COL13A1: variants seen among roughly 807,000 people sequenced by gnomAD.
COL13A1 encodes collagen type XIII alpha 1 chain, also known as collagen alpha-1(XIII) chain.
Under a neutral mutation model 130.9 loss-of-function variants are expected in COL13A1, and 89 were observed. The observed-to-expected ratio is 0.68, with a 90% CI of 0.57 to 0.81. The LOEUF (loss-of-function observed/expected upper bound fraction) is 0.81, where lower values mean the gene tolerates loss of function less well. Ranked by LOEUF, COL13A1 falls within the 30% of genes least tolerant of loss-of-function variation. The pLI is 0.00. For missense variants in COL13A1, 879 were observed against 934.6 expected (o/e 0.94, Z 0.78); for synonymous variants, 402 against 341.6 (o/e 1.18, Z -1.95).
rs1852196783 is a variant in COL13A1, at chr10:69,843,606, C to T, written c.364+21168C>T. Among the ~76,000 whole-genome samples the T allele has an allele frequency of 2.6e-5, 4 of 152,286 alleles. No individual in the cohort carries two copies. In the South Asian group the frequency reaches 8.3e-4, roughly 32 times the overall value. ...CCATTATTGCAAAATGTTTTCTATC[C>T]AACAGCTTTGATCTATAAAATGAGG... On this transcript the variant is annotated intron_variant, in intron 2 of 40. Transcript: ENST00000645393.
rs1319720963 is a variant in COL13A1 at position 69,944,308 on chromosome 10, G to T, written c.1968+130G>T. On this transcript the variant is annotated intron_variant, in intron 36 of 40. Coordinates refer to ENST00000645393, the MANE Select transcript of COL13A1 (RefSeq NM_001368882.1). ...CTCCTGGTCATCCTCACAGCAGCCT[G>T]GGACAGGGGGTGCTGGTTGTGTAGC... The T allele has an allele frequency of 5.1e-6, 4 of 786,434 alleles. No individual in the cohort carries two copies. The South Asian group carries it at 6.0e-5, about 12-fold the overall frequency. 48.7% of individuals were successfully genotyped at this position (786,434 alleles called of 1,614,324 possible). A position where few individuals can be genotyped will look rare whatever the true frequency, so the allele number is the denominator to read the frequency against.
chr10:69,936,105 GAA>G (rs1400508125), intron 32 of COL13A1, among the ~76,000 whole-genome samples: 4 of 5,568 alleles, frequency 7.2e-4, no homozygotes, highest in East Asian at 3.5e-3. Context: ...GGGAAGGGAG[GAA>G]GGAAGGAAGG....
At chr10:69,897,559 C>G in intron 13 of COL13A1, 1 of 1,611,608 alleles carries the variant, frequency 6.2e-7, no homozygotes, top group Non-Finnish European at 8.5e-7. Context: ...GGTCTCCGGG[C>G]CCCTCTCCAC....
intron 10 of COL13A1, among the ~76,000 whole-genome samples, chr10:69,892,750 G>A (rs1191181721): frequency 6.6e-6 from 1 of 152,194 alleles, no homozygotes; most frequent in Admixed American, 6.5e-5. Flanking sequence ...GTTGGACCTC[G>A]ACATAATTAA....
At chr10:69,898,223 C>T (rs538797915) in intron 13 of COL13A1, among the ~76,000 whole-genome samples, 28 of 152,302 alleles carry the variant, frequency 1.8e-4, no homozygotes, top group African/African-American at 6.0e-4. Flanking sequence ...TTCACGGGCC[C>T]GGTGGTTCCC....
intron 2 of COL13A1, among the ~76,000 whole-genome samples, chr10:69,860,939 G>C (rs1280957477): frequency 6.6e-6 from 1 of 152,214 alleles, no homozygotes; most frequent in African/African-American, 2.4e-5. Context: ...GGAAACACAG[G>C]ACTGCATCGG....
At chr10:69,823,982 A>T in intron 2 of COL13A1, 1 of 418,066 alleles carries the variant, frequency 2.4e-6, no homozygotes. Flanking sequence ...TGCCCTTATA[A>T]CTCTTGGGCA....
Position 69,928,953 on chromosome 10 carries a change from C to T in COL13A1, c.1439C>T (p.Pro480Leu). ...CTCTCCTAGGGGCCTCCTGGTCTTC[C>T]TGGGCAAATTGGCCCACCTGGAGCT... ...TLALMGPPGL[P>L]GQIGPPGAPG... The change falls in exon 28 of 41, where the codon CCT becomes CTT. Residue 480 changes from proline to leucine, a missense_variant. Pro to Leu is a moderately conservative substitution (Grantham distance 98, BLOSUM62 -3). Around this residue, in one of 3 missense-constraint regions of COL13A1, gnomAD observed 715 missense variants for 721.0 expected, o/e 0.99. Coordinates refer to ENST00000645393, the MANE Select transcript of COL13A1 (RefSeq NM_001368882.1). 1.2e-6 allele frequency: 2 copies of T among 1,613,506 alleles called. No homozygotes were observed. The highest frequency in any genetic ancestry group is 1.7e-6 in the Non-Finnish European group (2 of 1,179,610).
rs115748110 is a variant in COL13A1 at position 69,929,276 on chromosome 10, C to T, written c.1485+277C>T. On this transcript the variant is annotated intron_variant, in intron 28 of 40. Coordinates refer to ENST00000645393, the MANE Select transcript of COL13A1 (RefSeq NM_001368882.1). ...GCCCTTGCCCCAACCAGACCCACAG[C>T]GGGAGTGAGGACCCCATCAGGGACC... 4.3e-3 allele frequency among the ~76,000 whole-genome samples: 649 copies of T among 151,974 alleles called. 7 individuals carry two copies. The highest frequency in any genetic ancestry group is 0.038 in the East Asian group (196 of 5,134).
intron 4 of COL13A1, among the ~76,000 whole-genome samples, chr10:69,874,894 A>T (rs930193444): frequency 6.6e-6 from 1 of 152,210 alleles, no homozygotes; most frequent in Admixed American, 6.5e-5. Flanking sequence ...TGCTCTTTCC[A>T]CAACACTCAT....
chr10:69,914,928 G>A (rs973997858), intron 17 of COL13A1, among the ~76,000 whole-genome samples: 1 of 152,220 alleles, frequency 6.6e-6, no homozygotes, highest in Non-Finnish European at 1.5e-5. Context: ...GCACCCCTAT[G>A]ATGGGCCACA....
In COL13A1 at chr10:69,811,235, G is replaced by T. The variant is rs113286566; in HGVS notation, c.294+8518G>T. Among the ~76,000 whole-genome samples, 727 of 152,234 alleles carry T rather than the reference G, an allele frequency of 4.8e-3. 6 individuals carry two copies. The highest frequency in any genetic ancestry group is 0.017 in the Middle Eastern group (5 of 294). On this transcript the variant is annotated intron_variant, in intron 1 of 40. Transcript: ENST00000645393. ...CCACCCCCTCCCTTCAGGCGCTTCG[G>T]TTTTTTATCCGCTCTTTGGGTTGCA... is the stretch of plus-strand genomic sequence containing the variant.
At chr10:69,956,865 A>C in intron 39 of COL13A1, 139 bp from the exon 40 acceptor site, 1 of 668,570 alleles carries the variant, frequency 1.5e-6, no homozygotes, top group Non-Finnish European at 2.8e-6. Flanking sequence ...CCTGTAGTAG[A>C]GAAAAGAAAT....
chr10:69,897,057 A>G (rs2061719587), intron 13 of COL13A1, among the ~76,000 whole-genome samples: 1 of 151,900 alleles, frequency 6.6e-6, no homozygotes, highest in Non-Finnish European at 1.5e-5. Context: ...TCTGCCCCTC[A>G]GCCCAACATA....
intron 3 of COL13A1, 72 bp from the exon 4 acceptor site, chr10:69,872,112 G>T: frequency 1.9e-6 from 3 of 1,582,556 alleles, no homozygotes; most frequent in Non-Finnish European, 1.7e-6. Flanking sequence ...CACACAGCTG[G>T]TTGAGACAGT....
At chr10:69,933,466 G>A (rs748217217) in intron 31 of COL13A1, among the ~76,000 whole-genome samples, 5 of 152,138 alleles carry the variant, frequency 3.3e-5, no homozygotes, top group Non-Finnish European at 5.9e-5. Context: ...GCAAGAACCC[G>A]GAAAGCAACG....
intron 35 of COL13A1, 71 bp from the exon 36 acceptor site, chr10:69,944,054 G>A: frequency 7.7e-7 from 1 of 1,300,224 alleles, no homozygotes; most frequent in Non-Finnish European, 1.1e-6. Context: ...TCATCTCTAG[G>A]CATCAGGTGG....
At position 69,888,314 on chromosome 10, in the gene COL13A1, G is replaced by C. The variant is rs1167375642; in HGVS notation, c.560G>C (p.Gly187Ala). The C allele has an allele frequency of 1.2e-6, 2 of 1,612,970 alleles. No individual in the cohort carries two copies. Among genetic ancestry groups the C allele is most frequent in the South Asian group, 1.1e-5 (1 of 90,614 alleles). ...CCTTTCTGGTTTCAGGGTCCCATTG[G>C]GCTGGACGGCAAACCGGTAAGTGGA... ...RGFPGFPGPI[G>A]LDGKPGHPGP... Residue 187 changes from glycine to alanine, a missense_variant, in exon 9 of 41, where the codon GGG becomes GCG. Coordinates refer to ENST00000645393, the MANE Select transcript of COL13A1 (RefSeq NM_001368882.1).
chr10:69,867,416 C>T (rs1046919219), intron 2 of COL13A1, among the ~76,000 whole-genome samples: 1 of 152,230 alleles, frequency 6.6e-6, no homozygotes, highest in African/African-American at 2.4e-5. Flanking sequence ...TCTACGGGAT[C>T]TGTTATTTCC....
Sources: allele counts gnomAD v4.1 joint callset (sites outside exome capture counted in the v4.1 genomes callset), GRCh38; gene constraint gnomAD v4.1.1; regional missense constraint gnomAD v4.1.1; transcripts MANE v1.5; gene names NCBI Gene and HGNC (gene_info 2026-07-23, HGNC 2026-07-21).